Variants in ANK2 observed in about 807,000 individuals in gnomAD.
ANK2 encodes the protein ankyrin 2, also known as ankyrin-2.
A neutral mutation model predicts 360.5 loss-of-function variants in ANK2; 83 were observed. The ratio of observed to expected loss-of-function variants is 0.23; its 90% CI spans 0.19 to 0.28. The LOEUF (loss-of-function observed/expected upper bound fraction) is 0.28, where lower values mean the gene tolerates loss of function less well. ANK2 is among the 10% of genes least tolerant of loss of function. The pLI is 1.00. For synonymous variants in ANK2, 1,740 were observed against 1,759.5 expected (o/e 0.99, Z 0.28); for missense variants, 4,201 against 4,795.7 (o/e 0.88, Z 3.66).
At chr4:113,304,140 C>T (rs1168270474) in intron 23 of ANK2, among the ~76,000 whole-genome samples, 3 of 152,162 alleles carry the variant, frequency 2.0e-5, no homozygotes, top group Non-Finnish European at 4.4e-5. Flanking sequence ...TAATACTTGC[C>T]AACTAGTTCT....
intron 1 of ANK2, among the ~76,000 whole-genome samples, chr4:112,872,623 C>A (rs1438857339): frequency 6.6e-6 from 1 of 152,202 alleles, no homozygotes; most frequent in Non-Finnish European, 1.5e-5. Context: ...AGGCATGAGC[C>A]ACCACACCTG....
chr4:112,732,368 G>GC, the ANK2 span, among the ~76,000 whole-genome samples: 110,928 of 151,284 alleles, frequency 0.73, 41,272 homozygotes, highest in East Asian at 0.97. Flanking sequence ...AACCAATCCT[G>GC]TTCCCGAGTA....
the ANK2 span, among the ~76,000 whole-genome samples, chr4:112,767,880 A>G: frequency 4.6e-5 from 7 of 152,234 alleles, no homozygotes; most frequent in African/African-American, 1.7e-4. Flanking sequence ...CTTGTTACAG[A>G]GATACCTTTT....
At chr4:113,088,480 C>G (rs150694588) in intron 1 of ANK2, among the ~76,000 whole-genome samples, 160 of 152,272 alleles carry the variant, frequency 1.1e-3, no homozygotes, top group Admixed American at 2.4e-3. Context: ...ATTTCCAGAG[C>G]ACTCCATTAC....
intron 2 of ANK2, among the ~76,000 whole-genome samples, chr4:113,027,241 T>C (rs1190012522): frequency 6.6e-6 from 1 of 152,156 alleles, no homozygotes; most frequent in South Asian, 2.1e-4. Context: ...TTAATAAAGT[T>C]ATGACTCATT....
chr4:113,052,942 C>G (rs1421917826), intron 1 of ANK2, among the ~76,000 whole-genome samples: 2 of 152,152 alleles, frequency 1.3e-5, no homozygotes, highest in African/African-American at 4.8e-5. Context: ...GTCTTATCTA[C>G]AGGAGAACAG....
At chr4:112,718,162 T>G in the ANK2 span, among the ~76,000 whole-genome samples, 60 of 152,226 alleles carry the variant, frequency 3.9e-4, no homozygotes, top group Non-Finnish European at 7.6e-4. Flanking sequence ...TTAGAAGGTG[T>G]TGTTGTTTTC....
chr4:113,005,900 G>C (rs2052670382), intron 2 of ANK2, among the ~76,000 whole-genome samples: 1 of 151,996 alleles, frequency 6.6e-6, no homozygotes. Context: ...CTTCCCTCTT[G>C]CTCCCTCTTT....
intron 31 of ANK2, among the ~76,000 whole-genome samples, chr4:113,337,224 A>G (rs989964806): frequency 6.6e-6 from 1 of 152,238 alleles, no homozygotes; most frequent in Non-Finnish European, 1.5e-5. Context: ...ATTATACCCA[A>G]TAGTTCAAAC....
intron 1 of ANK2, among the ~76,000 whole-genome samples, chr4:113,157,279 G>T (rs1380202821): frequency 6.6e-6 from 1 of 152,076 alleles, no homozygotes; most frequent in Non-Finnish European, 1.5e-5. Flanking sequence ...TCTTGGAAGG[G>T]GTCCAGGTTT....
the ANK2 span, among the ~76,000 whole-genome samples, chr4:112,767,418 G>A: frequency 6.6e-5 from 10 of 152,040 alleles, no homozygotes; most frequent in South Asian, 2.1e-4. Context: ...AACATTAGCC[G>A]GGTGTGGTGG....
rs187111683 is a variant in ANK2 at position 112,938,815 on chromosome 4, T to A, written c.21+34301T>A. Among the ~76,000 whole-genome samples the A allele has an allele frequency of 1.8e-3, 268 of 152,344 alleles. 1 individual carries two copies. The highest frequency in any genetic ancestry group is 5.2e-3 in the Admixed American group (79 of 15,306). On this transcript the variant is annotated intron_variant, in intron 2 of 30. Transcript: ENST00000503271. ...CACTTTAGAGTCTCTAGTACCCTTT[T>A]AACAGCTCATCACTGAAATGTTACC...
At chr4:113,350,385 T>TAAGG in intron 37 of ANK2, 136 bp downstream of exon 37, 1 of 719,430 alleles carries the variant, frequency 1.4e-6, no homozygotes, top group Non-Finnish European at 2.2e-6. Flanking sequence ...TAATCATTAA[T>TAAGG]ATATTTATAA....
intron 2 of ANK2, among the ~76,000 whole-genome samples, chr4:113,017,402 T>C (rs929813763): frequency 2.0e-5 from 3 of 151,592 alleles, no homozygotes; most frequent in African/African-American, 7.3e-5. Context: ...GACTGCTCCA[T>C]GCATGTCTTT....
At chr4:112,722,524 C>T in the ANK2 span, among the ~76,000 whole-genome samples, 9 of 152,148 alleles carry the variant, frequency 5.9e-5, no homozygotes, top group Non-Finnish European at 1.2e-4. Flanking sequence ...ATAGTGTCAT[C>T]GATGATTGAA....
chr4:112,964,318 C>G (rs1454468689), intron 2 of ANK2, among the ~76,000 whole-genome samples: 1 of 150,926 alleles, frequency 6.6e-6, no homozygotes, highest in Non-Finnish European at 1.5e-5. Context: ...ACTTCCCCCA[C>G]CCTCACCCCC....
chr4:112,982,179 GA>G (rs534673623), intron 2 of ANK2, among the ~76,000 whole-genome samples: 1 of 150,562 alleles, frequency 6.6e-6, no homozygotes, highest in African/African-American at 2.5e-5. Flanking sequence ...GTTAAAAGAA[GA>G]AAAATTTTTT....
intron 14 of ANK2, among the ~76,000 whole-genome samples, chr4:113,267,871 C>T (rs1321876033): frequency 2.6e-5 from 4 of 152,158 alleles, no homozygotes; most frequent in Admixed American, 2.6e-4. Flanking sequence ...ATTAATTCTT[C>T]TTATCCATGA....
At chr4:112,839,621 A>G (rs986934086) in intron 1 of ANK2, among the ~76,000 whole-genome samples, 2 of 152,226 alleles carry the variant, frequency 1.3e-5, no homozygotes, top group Non-Finnish European at 2.9e-5. Context: ...AAAAACTATC[A>G]CAAAATGGCA....
Sources: allele counts gnomAD v4.1 joint callset (sites outside exome capture counted in the v4.1 genomes callset), GRCh38; gene constraint gnomAD v4.1.1; transcripts MANE v1.5; gene names NCBI Gene and HGNC (gene_info 2026-07-23, HGNC 2026-07-21).